The following ZSCAN25 variants were observed in gnomAD, a reference collection of about 807,000 sequenced individuals.
The protein encoded by ZSCAN25 is zinc finger and SCAN domain-containing protein 25.
ZSCAN25 carries 27 observed loss-of-function variants against 38.7 expected under a neutral mutation model. That is an observed-to-expected ratio of 0.70 (90% confidence interval 0.51 to 0.96). The LOEUF (loss-of-function observed/expected upper bound fraction) is 0.96. Ranked by LOEUF, ZSCAN25 falls within the 40% of genes least tolerant of loss-of-function variation. ZSCAN25 has a pLI of 0.00. For synonymous variants in ZSCAN25, 273 were observed against 277.7 expected (o/e 0.98, Z 0.17); for missense variants, 637 against 705.9 (o/e 0.90, Z 1.11).
chr7:99,692,372 C>G, the ZSCAN25 span, among the ~76,000 whole-genome samples: 8 of 152,062 alleles, frequency 5.3e-5, no homozygotes, highest in Non-Finnish European at 1.2e-4. Flanking sequence ...AATTATGTGT[C>G]TTGGGGTTGC....
At chr7:99,670,597 A>G in the ZSCAN25 span, among the ~76,000 whole-genome samples, 2 of 152,342 alleles carry the variant, frequency 1.3e-5, no homozygotes, top group East Asian at 1.9e-4. Flanking sequence ...TAGAGCTGCA[A>G]TCTGATGTTC....
the ZSCAN25 span, chr7:99,663,445 T>A: frequency 1.0e-6 from 1 of 989,874 alleles, no homozygotes; most frequent in Non-Finnish European, 1.2e-6. Context: ...CAAAGCTGAG[T>A]TAGCCAGCCT....
the ZSCAN25 span, among the ~76,000 whole-genome samples, chr7:99,657,809 G>A: frequency 1.3e-5 from 2 of 152,150 alleles, no homozygotes; most frequent in African/African-American, 4.8e-5. Context: ...AGCTCTTCTT[G>A]TTGAATTGAT....
chr7:99,629,977 G>T lies in ZSCAN25; in HGVS notation c.1592G>T (p.Arg531Leu). 1 of 1,601,370 alleles carries T rather than the reference G, an allele frequency of 6.2e-7. No individual in the cohort carries two copies. Among genetic ancestry groups the T allele is most frequent in the South Asian group, 1.1e-5 (1 of 89,520 alleles). ...RSFNQRSILN[R>L]HQKTQHRQEP... is the part of the protein sequence containing the mutation. The stretch of plus-strand genomic sequence containing the variant: ...TTCAACCAGAGGTCCATCCTCAACC[G>T]GCACCAGAAGACCCAGCACCGCCAG... The change falls in exon 8 of 8, where the codon CGG (arginine) becomes CTG (leucine). Residue 531 changes from arginine to leucine, a missense_variant. Transcript: ENST00000394152. The surrounding 1 kb of genome is among the most constrained non-coding windows in gnomAD (Gnocchi z 5.6).
At chr7:99,715,689 G>A in the ZSCAN25 span, 1 of 1,609,156 alleles carries the variant, frequency 6.2e-7, no homozygotes, top group South Asian at 1.1e-5. Context: ...ATTACATGGT[G>A]ATTTACATCT....
downstream of ZSCAN25, among the ~76,000 whole-genome samples, chr7:99,633,078 C>T (rs963329906): frequency 2.0e-5 from 3 of 151,400 alleles, no homozygotes; most frequent in Admixed American, 6.6e-5. Context: ...CTCCCTGTCC[C>T]GGGTTCAAGC....
chr7:99,632,945 G>A (rs1008394583), downstream of ZSCAN25, among the ~76,000 whole-genome samples: 4 of 148,446 alleles, frequency 2.7e-5, no homozygotes, highest in African/African-American at 1.0e-4. Context: ...TAAAAAACTC[G>A]ATCATTTATC....
At chr7:99,663,959 A>T in the ZSCAN25 span, 4 of 1,577,212 alleles carry the variant, frequency 2.5e-6, no homozygotes, top group Non-Finnish European at 1.7e-6. Context: ...AACCACCATC[A>T]GATTTTACCT....
At chr7:99,708,890 A>G in the ZSCAN25 span, 45 of 963,272 alleles carry the variant, frequency 4.7e-5, no homozygotes, top group Non-Finnish European at 6.4e-5. Context: ...AAGTGTGACA[A>G]TGATCAATTT....
chr7:99,715,874 G>C, the ZSCAN25 span: 1 of 1,613,882 alleles, frequency 6.2e-7, no homozygotes, highest in Non-Finnish European at 8.5e-7. Context: ...TGATGTGCTA[G>C]TGATCACATC....
Position 99,632,024 on chromosome 7 carries a change from C to T in ZSCAN25, c.*2004C>T. The T allele has an allele frequency of 1.0e-6, 1 of 985,406 alleles. No individual in the cohort carries two copies. The highest frequency in any genetic ancestry group is 1.2e-6 in the Non-Finnish European group (1 of 829,950). The allele number at this position is 985,406 out of a possible 1,614,324, so 61.0% of individuals were successfully genotyped here. ...CAAAGGCAGGTGGGGACTGGGGAGG[C>T]CTCGGGGGGCTGCTTGTCATTACCT... is the stretch of plus-strand genomic sequence containing the variant. On this transcript the variant is annotated 3_prime_UTR_variant, in exon 8 of 8. Transcript: ENST00000394152.
intron 4 of ZSCAN25, chr7:99,620,304 ACCTGAC>A: frequency 3.1e-6 from 1 of 318,696 alleles, no homozygotes; most frequent in Admixed American, 4.6e-5. Context: ...TCCCTCATAG[ACCTGAC>A]CCTGCTTTGG....
At position 99,629,211 on chromosome 7, in the gene ZSCAN25, G is replaced by C. The variant is rs142244690; in HGVS notation, c.826G>C (p.Glu276Gln). The change falls in exon 8 of 8, where the codon GAG becomes CAG. Residue 276 changes from glutamate to glutamine, a missense_variant. By Grantham distance (29) the Glu-to-Gln change is conservative. Transcript: ENST00000394152. The surrounding 1 kb of genome is among the most constrained non-coding windows in gnomAD (Gnocchi z 5.6). The part of the protein sequence containing the change: ...VSPGGGSKEK[E>Q]AKPPQEDLKG... ...TGTAGGCGGTGGGAGCAAGGAAAAG[G>C]AGGCAAAACCCCCACAGGAAGACCT... 2.5e-6 allele frequency: 4 copies of C among 1,610,892 alleles called. No individual in the cohort carries two copies. The highest frequency in any genetic ancestry group is 3.4e-6 in the Non-Finnish European group (4 of 1,178,648).
At chr7:99,691,467 C>T in the ZSCAN25 span, among the ~76,000 whole-genome samples, 174 of 152,088 alleles carry the variant, frequency 1.1e-3, no homozygotes, top group Non-Finnish European at 2.2e-3. Context: ...CCTTCTGTCT[C>T]ATTGATCTGT....
intron 5 of ZSCAN25, chr7:99,622,081 T>G (rs765211270): frequency 3.4e-5 from 6 of 179,044 alleles, no homozygotes; most frequent in Non-Finnish European, 5.8e-5. Context: ...TGTGCCACCA[T>G]GCCCTGTTAA....
At position 99,631,360 on chromosome 7, in the gene ZSCAN25, A is replaced by G; in HGVS notation, c.*1340A>G. Reference sequence around the variant, plus strand: ...AAAGATATTTGTAGGCATTAAAAAAAAATACATTTCTTTAAAAATGAGAAG... The same window carrying G: ...AAAGATATTTGTAGGCATTAAAAAAGAATACATTTCTTTAAAAATGAGAAG... On this transcript the variant is annotated 3_prime_UTR_variant, in exon 8 of 8. Transcript: ENST00000394152. The G allele has an allele frequency of 1.0e-6, 1 of 985,302 alleles. No homozygotes were observed. Among genetic ancestry groups the G allele is most frequent in the Non-Finnish European group, 1.2e-6 (1 of 829,804 alleles). 61.0% of individuals were successfully genotyped at this position (985,302 alleles called of 1,614,324 possible).
At chr7:99,657,939 G>C in the ZSCAN25 span, among the ~76,000 whole-genome samples, 1 of 152,116 alleles carries the variant, frequency 6.6e-6, no homozygotes, top group Non-Finnish European at 1.5e-5. Flanking sequence ...TTGCTTGGTA[G>C]ATCTTCCTCC....
the ZSCAN25 span, among the ~76,000 whole-genome samples, chr7:99,678,394 C>G: frequency 6.6e-6 from 1 of 152,248 alleles, no homozygotes; most frequent in Non-Finnish European, 1.5e-5. Context: ...GTCACTGGCT[C>G]ACAGTCTTGC....
chr7:99,631,818 G>A lies in ZSCAN25; in HGVS notation c.*1798G>A, dbSNP rs1808021595. On this transcript the variant is annotated 3_prime_UTR_variant, in exon 8 of 8. Coordinates refer to ENST00000394152, the MANE Select transcript of ZSCAN25 (RefSeq NM_145115.3). ...CCCACGAGGCTGCACTGACTGGGTC[G>A]TAAATGTATCTGAGATGTCCACACG... is the stretch of plus-strand genomic sequence containing the variant. The A allele has an allele frequency of 2.0e-6, 2 of 985,308 alleles. No individual in the cohort carries two copies. Among genetic ancestry groups the A allele is most frequent in the African/African-American group, 1.7e-5 (1 of 57,194 alleles). 61.0% of individuals were successfully genotyped at this position (985,308 alleles called of 1,614,324 possible). A position where few individuals can be genotyped will look rare whatever the true frequency, so the allele number is the denominator to read the frequency against.
Sources: gnomAD v4.1 joint callset for allele counts (sites outside exome capture counted in the v4.1 genomes callset) on GRCh38, gnomAD v4.1.1 for gene constraint, Gnocchi (gnomAD v3.1) non-coding constraint, MANE v1.5 for transcripts, NCBI Gene and HGNC (gene_info 2026-07-23, HGNC 2026-07-21) for gene names.